The following FBXL13 variants were observed in gnomAD, a reference collection of about 807,000 sequenced individuals.
The protein encoded by FBXL13 is F-box and leucine rich repeat protein 13, also known as F-box and leucine-rich repeat protein 13.
A neutral mutation model predicts 83.6 loss-of-function variants in FBXL13; 67 were observed. That is an observed-to-expected ratio of 0.80 (90% CI 0.66 to 0.98). FBXL13 has a LOEUF of 0.98. FBXL13 is among the 50% of genes least tolerant of loss of function. The pLI is 0.00. For missense variants in FBXL13, 822 were observed against 866.5 expected, an observed-to-expected ratio of 0.95 and a Z score of 0.64; for synonymous variants, 272 against 299.5, an observed-to-expected ratio of 0.91 and a Z score of 0.95.
intron 8 of FBXL13, among the ~76,000 whole-genome samples, chr7:102,963,041 G>T (rs995205841): frequency 4.7e-5 from 7 of 149,742 alleles, no homozygotes; most frequent in Non-Finnish European, 7.4e-5. Context: ...AGAACCAGCC[G>T]GGCACAGTGG....
rs1287398302 is a variant in FBXL13 at position 103,025,143 on chromosome 7, GT to G, written c.414del (p.Glu138AspfsTer10). 6.2e-7 allele frequency: 1 copy of G among 1,611,772 alleles called. No individual in the cohort carries two copies. The highest frequency in any genetic ancestry group is 1.3e-5 in the African/African-American group (1 of 74,770). On this transcript the variant is annotated frameshift_variant, in exon 6 of 20. Coordinates refer to ENST00000313221, the Ensembl canonical transcript of FBXL13. LOFTEE classifies it high-confidence loss of function. ...ACAAGAAAGACTTCAGAAGAACTTC[GT>G]TCAGGAAAATTGGATTCTTCTGCAG...
Position 103,035,272 on chromosome 7 carries a change from C to A in FBXL13, c.1-5854G>T, listed in dbSNP as rs1158743441. ...GATGGCCTCACAGGTTCCAGACAGA[C>A]ACTAGGAGGAATTCTTGAATTTACA... is the stretch of plus-strand genomic sequence containing the variant. On this transcript the variant is annotated intron_variant, in intron 2 of 19. Coordinates refer to ENST00000313221, the Ensembl canonical transcript of FBXL13. Among the ~76,000 whole-genome samples the A allele has an allele frequency of 2.0e-5, 3 of 152,244 alleles. 1 individual carries two copies. The South Asian group carries it at 6.2e-4, about 32-fold the overall frequency.
At chr7:103,040,981 A>G (rs1017103526) in intron 2 of FBXL13, among the ~76,000 whole-genome samples, 4 of 152,216 alleles carry the variant, frequency 2.6e-5, no homozygotes, top group Non-Finnish European at 4.4e-5. Context: ...CTAAGATTAG[A>G]GCAGAACTGA....
At chr7:102,884,470 CT>C (rs988494099) in intron 11 of FBXL13, among the ~76,000 whole-genome samples, 158 bp from the exon 13 acceptor site, 3 of 151,870 alleles carry the variant, frequency 2.0e-5, no homozygotes, top group Non-Finnish European at 2.9e-5. Flanking sequence ...GTCTTGATTT[CT>C]TTTTTTTATT....
intron 17 of FBXL13, among the ~76,000 whole-genome samples, chr7:102,835,673 A>AGG (rs1801803353): frequency 1.8e-5 from 2 of 110,406 alleles, no homozygotes; most frequent in Non-Finnish European, 1.7e-5. Context: ...GCAGTGGCGC[A>AGG]ATCTCGGCTC....
At chr7:102,836,441 C>T (rs564404795) in intron 17 of FBXL13, among the ~76,000 whole-genome samples, 20 of 152,184 alleles carry the variant, frequency 1.3e-4, no homozygotes, top group Non-Finnish European at 2.9e-4. Flanking sequence ...CATTTCCCCC[C>T]TACAGATAAG....
intron 2 of FBXL13, among the ~76,000 whole-genome samples, chr7:103,029,791 AT>A (rs35460048): frequency 0.97 from 147,486 of 151,986 alleles, 71,739 homozygotes; most frequent in East Asian, 1. Context: ...AAACAGAATG[AT>A]TTTTTTCAAG....
chr7:103,014,983 A>G (rs1488140501), intron 6 of FBXL13, among the ~76,000 whole-genome samples: 1 of 151,938 alleles, frequency 6.6e-6, no homozygotes, highest in African/African-American at 2.4e-5. Context: ...CAGCACATCA[A>G]AAAGCTTTTC....
rs1413444956 is a variant in FBXL13, at chr7:102,833,048, T to TAAATGTAC, written c.1720-82_1720-75dup. 1.3e-5 allele frequency: 20 copies of TAAATGTAC among 1,501,418 alleles called. No homozygotes were observed. The African/African-American group carries it at 2.4e-4, about 18-fold the overall frequency. The allele number at this position is 1,501,418 out of a possible 1,614,324, so 93.0% of individuals were successfully genotyped here. A position where few individuals can be genotyped will look rare whatever the true frequency, so the allele number is the denominator to read the frequency against. On this transcript the variant is annotated intron_variant, in intron 17 of 19. Transcript: ENST00000313221. ...AACTGTCTTACTTATAGTAGCTTAT[T>TAAATGTAC]AAATGTACATTTCAGTCCCTGAAAT...
intron 17 of FBXL13, among the ~76,000 whole-genome samples, chr7:102,844,856 T>C (rs1275318407): frequency 1.3e-5 from 2 of 152,202 alleles, no homozygotes; most frequent in East Asian, 3.8e-4. Context: ...ACTACCTCCT[T>C]GGGCTTGATA....
chr7:102,945,915 T>TC (rs1282836865), intron 8 of FBXL13, among the ~76,000 whole-genome samples: 3 of 152,068 alleles, frequency 2.0e-5, no homozygotes, highest in African/African-American at 7.2e-5. Context: ...AGAGTCTTGC[T>TC]CTGTTGCCCA....
intron 11 of FBXL13, among the ~76,000 whole-genome samples, chr7:102,891,574 T>C (rs1014264320): frequency 3.3e-5 from 5 of 152,238 alleles, no homozygotes; most frequent in Non-Finnish European, 1.5e-5. Flanking sequence ...AGAATATAAA[T>C]TAGAATTAGT....
intron 6 of FBXL13, among the ~76,000 whole-genome samples, chr7:103,017,047 C>T (rs1792437374): frequency 6.6e-6 from 1 of 152,244 alleles, no homozygotes; most frequent in East Asian, 1.9e-4. Flanking sequence ...TCCCTGACCT[C>T]CGAGTAGCCT....
At chr7:102,963,006 TAA>T (rs1157647184) in intron 8 of FBXL13, among the ~76,000 whole-genome samples, 2,298 of 48,480 alleles carry the variant, frequency 0.047, 42 homozygotes, top group Admixed American at 0.11. Context: ...TATATATATA[TAA>T]AAAAAAAAAA....
rs116550455 is a variant in FBXL13 at position 103,070,781 on chromosome 7, C to T, written c.-105+3465G>A. Among the ~76,000 whole-genome samples the T allele has an allele frequency of 5.0e-3, 758 of 152,238 alleles. 7 individuals carry two copies. Among genetic ancestry groups the T allele is most frequent in the African/African-American group, 0.017 (727 of 41,552 alleles). ...GCTAGAGGGAGGCTCTTCTAAACAACCAGCTCTTGGGTGAACTAATAGAGG... is the reference window on the plus strand; with the variant it reads ...GCTAGAGGGAGGCTCTTCTAAACAATCAGCTCTTGGGTGAACTAATAGAGG... On this transcript the variant is annotated intron_variant, in intron 1 of 19. Coordinates refer to ENST00000313221, the Ensembl canonical transcript of FBXL13.
intron 16 of FBXL13, among the ~76,000 whole-genome samples, chr7:102,867,710 T>A (rs1807945528): frequency 7.8e-6 from 1 of 128,058 alleles, no homozygotes; most frequent in African/African-American, 3.1e-5. Flanking sequence ...TTTTTTTTTT[T>A]TTTTTTTTTT....
chr7:102,940,260 A>T (rs1821153212), intron 8 of FBXL13, among the ~76,000 whole-genome samples: 2 of 147,280 alleles, frequency 1.4e-5, no homozygotes. Flanking sequence ...GCCAGGCTGG[A>T]GTGCAATGGT....
At chr7:102,824,785 CTTTTTTTTTT>C (rs57237364) in intron 18 of FBXL13, among the ~76,000 whole-genome samples, 1 of 124,116 alleles carries the variant, frequency 8.1e-6, no homozygotes, top group Non-Finnish European at 1.7e-5. Flanking sequence ...CATGCCCGGC[CTTTTTTTTTT>C]TTTTTTTTTT....
chr7:102,913,254 C>G (rs761398304), intron 10 of FBXL13, 39 bp from the exon 12 acceptor site: 11 of 1,610,562 alleles, frequency 6.8e-6, no homozygotes, highest in East Asian at 4.5e-5. Context: ...TATTATACTT[C>G]CGTTGTTCTC....
Sources: allele counts gnomAD v4.1 joint callset (sites outside exome capture counted in the v4.1 genomes callset), GRCh38; gene constraint gnomAD v4.1.1; transcripts MANE v1.5; gene names NCBI Gene and HGNC (gene_info 2026-07-23, HGNC 2026-07-21).